HIP1: variants seen among roughly 807,000 people sequenced by gnomAD.
HIP1 encodes huntingtin-interacting protein 1.
In HIP1, 65 loss-of-function variants were observed where a neutral mutation model predicts 147.6. That is an observed-to-expected ratio of 0.44 (90% CI 0.36 to 0.54). HIP1 has a LOEUF of 0.54. HIP1 is among the 20% of genes least tolerant of loss of function. HIP1 has a pLI of 0.00. For synonymous variants in HIP1, 479 were observed against 504.0 expected (o/e 0.95, Z 0.67); for missense variants, 1,061 against 1,299.6 (o/e 0.82, Z 2.82).
At chr7:75,722,293 T>C (rs1246638149) in intron 1 of HIP1, among the ~76,000 whole-genome samples, 2 of 151,956 alleles carry the variant, frequency 1.3e-5, no homozygotes. Context: ...CTGGACGACA[T>C]AGTGAGACCC....
In HIP1 at chr7:75,647,211, C is replaced by CAAAAAA. The variant is rs60972195; in HGVS notation, c.121-47970_121-47965dup. ...CGAAACCCCATCTCTACTAAAAATA[C>CAAAAAA]AAAAAAAAAAAAAAAAAAAAAAAAA... On this transcript the variant is annotated intron_variant, in intron 1 of 30. Transcript: ENST00000336926. 9.1e-4 allele frequency among the ~76,000 whole-genome samples: 53 copies of CAAAAAA among 57,994 alleles called. 7 individuals carry two copies. The highest frequency in any genetic ancestry group is 5.2e-3 in the East Asian group (8 of 1,530). The allele number at this position is 57,994 out of a possible 152,430, so 38.0% of individuals were successfully genotyped here.
At chr7:75,685,168 TGTGGGAGGCTGAG>T (rs1249138698) in intron 1 of HIP1, among the ~76,000 whole-genome samples, 1 of 152,080 alleles carries the variant, frequency 6.6e-6, no homozygotes, top group Non-Finnish European at 1.5e-5. Context: ...ATCCTGGCAC[TGTGGGAGGCTGAG>T]GTGGGAGGAT....
intron 1 of HIP1, among the ~76,000 whole-genome samples, chr7:75,607,221 G>GTTTT (rs1192539117): frequency 1.8e-4 from 25 of 138,164 alleles, no homozygotes; most frequent in East Asian, 1.3e-3. Flanking sequence ...AAAAAGAGTT[G>GTTTT]TTTTTTGTTT....
At chr7:75,637,195 T>A (rs1798453085) in intron 1 of HIP1, among the ~76,000 whole-genome samples, 1 of 152,200 alleles carries the variant, frequency 6.6e-6, no homozygotes, top group Non-Finnish European at 1.5e-5. Context: ...AGGCCTTCGA[T>A]GATGTTTCTT....
In HIP1 at chr7:75,534,250, T is replaced by C. The variant is rs1472641310; in HGVS notation, c.*3922A>G. 3.6e-5 allele frequency: 8 copies of C among 225,160 alleles called. No individual in the cohort carries two copies. Among genetic ancestry groups the C allele is most frequent in the Non-Finnish European group, 7.1e-5 (8 of 113,088 alleles). 13.9% of individuals were successfully genotyped at this position (225,160 alleles called of 1,614,324 possible). On this transcript the variant is annotated 3_prime_UTR_variant, in exon 31 of 31. Coordinates refer to ENST00000336926, the MANE Select transcript of HIP1 (RefSeq NM_005338.7). ...GTAGCTGGGACAGTTCCAAGAAAAG[T>C]TGCTCTAGACAGTGGTTCTTCCAGC...
intron 1 of HIP1, among the ~76,000 whole-genome samples, chr7:75,607,549 A>G (rs921082033): frequency 1.5e-4 from 23 of 150,812 alleles, no homozygotes; most frequent in South Asian, 4.2e-4. Flanking sequence ...AAAAAAAAAA[A>G]AAATTTGTCA....
chr7:75,733,092 A>T (rs1309289349), intron 1 of HIP1, among the ~76,000 whole-genome samples: 4 of 152,220 alleles, frequency 2.6e-5, no homozygotes, highest in African/African-American at 7.2e-5. Flanking sequence ...GTAAAAACAG[A>T]CTATTTTATT....
intron 1 of HIP1, among the ~76,000 whole-genome samples, chr7:75,711,076 C>T (rs1375775270): frequency 6.6e-6 from 1 of 151,978 alleles, no homozygotes; most frequent in African/African-American, 2.4e-5. Flanking sequence ...TATTGTGCTC[C>T]CAAAAGTCCA....
At chr7:75,617,400 G>C (rs1797706876) in intron 1 of HIP1, among the ~76,000 whole-genome samples, 1 of 151,622 alleles carries the variant, frequency 6.6e-6, no homozygotes, top group Non-Finnish European at 1.5e-5. Flanking sequence ...ATTATTTGTA[G>C]AGGTGAGGAT....
chr7:75,656,732 C>A (rs1384952213), intron 1 of HIP1, among the ~76,000 whole-genome samples: 1 of 152,196 alleles, frequency 6.6e-6, no homozygotes, highest in Non-Finnish European at 1.5e-5. Flanking sequence ...CTGCCTCAGC[C>A]TCCCAAAGTG....
At chr7:75,547,704 C>G (rs1794622826) in intron 24 of HIP1, 51 bp downstream of exon 24, 1 of 1,482,422 alleles carries the variant, frequency 6.7e-7, no homozygotes, top group Non-Finnish European at 9.4e-7. Context: ...AGACCAATGT[C>G]AGGAAGACAG....
intron 9 of HIP1, among the ~76,000 whole-genome samples, chr7:75,563,721 C>A (rs587644277): frequency 6.6e-6 from 1 of 152,286 alleles, no homozygotes; most frequent in South Asian, 2.1e-4. Context: ...GTTCTCTCCA[C>A]AATTAAGACT....
intron 1 of HIP1, among the ~76,000 whole-genome samples, chr7:75,599,651 G>A (rs1227079150): frequency 2.0e-5 from 3 of 152,116 alleles, no homozygotes; most frequent in African/African-American, 7.2e-5. Context: ...GCATCCAGCT[G>A]CCCCTCTCTC....
At chr7:75,656,209 C>T (rs533898880) in intron 1 of HIP1, among the ~76,000 whole-genome samples, 1 of 151,862 alleles carries the variant, frequency 6.6e-6, no homozygotes, top group Non-Finnish European at 1.5e-5. Context: ...CACAAACACA[C>T]ACACACCAAA....
At chr7:75,548,072 C>G (rs1163805640) in intron 23 of HIP1, among the ~76,000 whole-genome samples, 1 of 152,152 alleles carries the variant, frequency 6.6e-6, no homozygotes, top group Non-Finnish European at 1.5e-5. Flanking sequence ...CTCTGTCACC[C>G]AGGCTGGAGT....
intron 7 of HIP1, among the ~76,000 whole-genome samples, chr7:75,579,455 C>T (rs781825081): frequency 2.0e-5 from 3 of 152,154 alleles, no homozygotes; most frequent in Non-Finnish European, 2.9e-5. Flanking sequence ...CCACACCTGG[C>T]TAATTTTTGT....
At chr7:75,649,586 C>T (rs1009198234) in intron 1 of HIP1, among the ~76,000 whole-genome samples, 1 of 152,144 alleles carries the variant, frequency 6.6e-6, no homozygotes, top group Admixed American at 6.6e-5. Flanking sequence ...CCTGGGAAGC[C>T]TGGGCCCCGC....
In HIP1 at chr7:75,554,150, G is replaced by C; in HGVS notation, c.2121C>G (p.Ala707=). The C allele has an allele frequency of 6.2e-7, 1 of 1,614,018 alleles. No homozygotes were observed. Among genetic ancestry groups the C allele is most frequent in the Non-Finnish European group, 8.5e-7 (1 of 1,179,984 alleles). The change falls in exon 21 of 31, where the codon GCC becomes GCG. Residue 707 remains alanine, a synonymous_variant. Transcript: ENST00000336926. ...HLTSDAIAHG[A]TTCLRAPPEP... is the part of the protein sequence containing the mutation. ...CAGGTGGGGCTCTGAGGCAGGTGGTGGCACCATGAGCAATGGCGTCGCTGG... is the reference window on the plus strand; with the variant it reads ...CAGGTGGGGCTCTGAGGCAGGTGGTCGCACCATGAGCAATGGCGTCGCTGG...
At chr7:75,540,523 T>C (rs587643588) in intron 29 of HIP1, among the ~76,000 whole-genome samples, 5 of 151,470 alleles carry the variant, frequency 3.3e-5, no homozygotes, top group Admixed American at 3.3e-4. Flanking sequence ...GGTGGGAGGA[T>C]CCGCCTGAGC....
Sources: allele counts gnomAD v4.1 joint callset (sites outside exome capture counted in the v4.1 genomes callset), GRCh38; gene constraint gnomAD v4.1.1; transcripts MANE v1.5; gene names NCBI Gene and HGNC (gene_info 2026-07-23, HGNC 2026-07-21).